CENPP: variants seen among roughly 807,000 people sequenced by gnomAD.
CENPP encodes centromere protein P.
A neutral mutation model predicts 35.6 loss-of-function variants in CENPP; 24 were observed. The observed-to-expected ratio is 0.67, with a 90% CI of 0.49 to 0.95. The LOEUF is 0.95. CENPP is among the 40% of genes least tolerant of loss of function. CENPP has a pLI of 0.00. For missense variants in CENPP, 332 were observed against 345.3 expected, an observed-to-expected ratio of 0.96 and a Z score of 0.31; for synonymous variants, 120 against 125.5, an observed-to-expected ratio of 0.96 and a Z score of 0.29.
At chr9:92,461,732 A>T (rs941305232) in intron 5 of CENPP, among the ~76,000 whole-genome samples, 1 of 152,160 alleles carries the variant, frequency 6.6e-6, no homozygotes, top group African/African-American at 2.4e-5. Context: ...TCCTGATGTC[A>T]TTCTTGATGG....
intron 5 of CENPP, chr9:92,466,278 T>C: frequency 1.1e-6 from 1 of 933,538 alleles, no homozygotes; most frequent in Admixed American, 2.5e-5. Flanking sequence ...TGGAAATTAT[T>C]CTTAATAGTG....
chr9:92,336,609 G>A (rs191271791), intron 2 of CENPP, among the ~76,000 whole-genome samples: 2 of 152,048 alleles, frequency 1.3e-5, no homozygotes, highest in East Asian at 1.9e-4. Flanking sequence ...TAAAAGTAAC[G>A]TCATTAGCAA....
At chr9:92,446,974 A>C (rs1487120630) in intron 5 of CENPP, among the ~76,000 whole-genome samples, 2 of 151,644 alleles carry the variant, frequency 1.3e-5, no homozygotes, top group Non-Finnish European at 2.9e-5. Flanking sequence ...TTTAGGTAAG[A>C]TAAAGTAAAC....
chr9:92,419,299 CT>C (rs34582930), intron 5 of CENPP, among the ~76,000 whole-genome samples: 21,721 of 116,768 alleles, frequency 0.19, 1,546 homozygotes, highest in African/African-American at 0.35. Flanking sequence ...TGCCTTGTGT[CT>C]TTTTTTTTTT....
intron 5 of CENPP, among the ~76,000 whole-genome samples, chr9:92,553,563 G>T (rs1849659796): frequency 6.6e-6 from 1 of 152,052 alleles, no homozygotes; most frequent in African/African-American, 2.4e-5. Flanking sequence ...CCATTTCTTT[G>T]TGTCATCTAT....
chr9:92,533,316 A>ATAT (rs1848936762), intron 5 of CENPP, among the ~76,000 whole-genome samples: 6 of 97,162 alleles, frequency 6.2e-5, no homozygotes, highest in African/African-American at 2.5e-4. Flanking sequence ...AAAAAAAAAA[A>ATAT]AAAAAAAAAA....
At chr9:92,366,302 T>C (rs569568728) in intron 4 of CENPP, among the ~76,000 whole-genome samples, 1 of 152,198 alleles carries the variant, frequency 6.6e-6, no homozygotes, top group Non-Finnish European at 1.5e-5. Flanking sequence ...ATTGGAATGA[T>C]AGAGCTGTAG....
At chr9:92,325,883 G>A (rs1013458788), upstream of CENPP, 23 of 782,628 alleles carry the variant, frequency 2.9e-5, no homozygotes, top group Middle Eastern at 3.1e-4. Flanking sequence ...CCTCCCCTCC[G>A]CGTGAGCTCT....
chr9:92,502,652 C>T, intron 5 of CENPP: 1 of 1,562,304 alleles, frequency 6.4e-7, no homozygotes, highest in Non-Finnish European at 8.8e-7. Flanking sequence ...AGGTATAATT[C>T]CTATAATTAA....
At chr9:92,360,566 A>G (rs1384764608) in intron 4 of CENPP, among the ~76,000 whole-genome samples, 1 of 152,188 alleles carries the variant, frequency 6.6e-6, no homozygotes, top group African/African-American at 2.4e-5. Flanking sequence ...CTGTCTCAAA[A>G]TATAATAATG....
At chr9:92,574,780 A>C (rs1191866160) in intron 5 of CENPP, among the ~76,000 whole-genome samples, 1 of 152,248 alleles carries the variant, frequency 6.6e-6, no homozygotes, top group Non-Finnish European at 1.5e-5. Context: ...CTTCAAAAAG[A>C]ACAAAGCTGG....
intron 5 of CENPP, among the ~76,000 whole-genome samples, chr9:92,398,611 C>A (rs1285372355): frequency 1.3e-5 from 2 of 152,078 alleles, no homozygotes; most frequent in Non-Finnish European, 2.9e-5. Flanking sequence ...CTTCCTCATT[C>A]ATTTTTACAA....
rs974751994 is a variant in CENPP, at chr9:92,544,902, G to A, written c.565-66412G>A. On this transcript the variant is annotated intron_variant, in intron 5 of 7. Coordinates refer to ENST00000375587, the MANE Select transcript of CENPP (RefSeq NM_001012267.3). Reference sequence around the variant, plus strand: ...AGCTAAATTTTTTTTTGTATTTTTAGTGGAGACGTGGTTTCACCATGTTGG... The same window carrying A: ...AGCTAAATTTTTTTTTGTATTTTTAATGGAGACGTGGTTTCACCATGTTGG... 5.9e-5 allele frequency among the ~76,000 whole-genome samples: 9 copies of A among 152,034 alleles called. No homozygotes were observed. The East Asian group carries it at 1.7e-3, about 29-fold the overall frequency.
intron 5 of CENPP, among the ~76,000 whole-genome samples, chr9:92,404,876 G>T (rs147327311): frequency 3.3e-5 from 5 of 152,120 alleles, no homozygotes; most frequent in African/African-American, 1.2e-4. Context: ...TTTCATTTTG[G>T]TGATTTCCCA....
intron 5 of CENPP, among the ~76,000 whole-genome samples, chr9:92,567,375 T>TATATAGATATATATATATATATAG (rs60545319): frequency 1.5e-4 from 12 of 81,884 alleles, no homozygotes; most frequent in African/African-American, 7.1e-4. Context: ...ATAAGATAGA[T>TATATAGATATATATATATATATAG]ATATATATAT....
rs368205208 is a variant in CENPP, at chr9:92,345,007, T to G, written c.379-692T>G. Among the ~76,000 whole-genome samples, 12 of 151,272 alleles carry G rather than the reference T, an allele frequency of 7.9e-5. 1 individual carries two copies. In the East Asian group the frequency reaches 2.4e-3, roughly 31 times the overall value. On this transcript the variant is annotated intron_variant, in intron 3 of 7. Transcript: ENST00000375587. ...TGGCTCACGCCTGTAATCCCAGCAC[T>G]TTGGGAGGCTGAGGCAGGTGGATCA...
intron 5 of CENPP, chr9:92,610,861 C>A (rs977307332): frequency 1.0e-5 from 2 of 191,400 alleles, no homozygotes; most frequent in Non-Finnish European, 2.2e-5. Context: ...CCTCACGGAG[C>A]CTCAGCTCAA....
chr9:92,328,626 T>C (rs1199236315), intron 1 of CENPP, among the ~76,000 whole-genome samples: 1 of 152,204 alleles, frequency 6.6e-6, no homozygotes, highest in Non-Finnish European at 1.5e-5. Context: ...TTTAAACTCG[T>C]GTACAGATTG....
intron 5 of CENPP, 168 bp from the exon 6 acceptor site, chr9:92,611,146 G>A (rs963681599): frequency 1.4e-5 from 9 of 644,376 alleles, no homozygotes; most frequent in Admixed American, 2.5e-5. Context: ...ACAGTGGGGC[G>A]GACGTGTGTG....
Sources: allele counts gnomAD v4.1 joint callset (sites outside exome capture counted in the v4.1 genomes callset), GRCh38; gene constraint gnomAD v4.1.1; transcripts MANE v1.5; gene names NCBI Gene and HGNC (gene_info 2026-07-23, HGNC 2026-07-21).